Variants in GRM7 observed in about 807,000 individuals in gnomAD.
GRM7 encodes the protein metabotropic glutamate receptor 7.
Under a neutral mutation model 84.5 loss-of-function variants are expected in GRM7, and 35 were observed. That is an observed-to-expected ratio of 0.41 (90% confidence interval 0.32 to 0.55). The LOEUF is 0.55. GRM7 is among the 20% of genes least tolerant of loss of function. The pLI, the probability that GRM7 is intolerant of heterozygous loss-of-function variation, is 0.19. For synonymous variants in GRM7, 487 were observed against 455.1 expected (o/e 1.07, Z -0.89); for missense variants, 1,003 against 1,194.6 (o/e 0.84, Z 2.36).
At position 7,007,859 on chromosome 3, in the gene GRM7, C is replaced by A. The variant is rs990827365; in HGVS notation, c.520-138593C>A. Among the ~76,000 whole-genome samples the A allele has an allele frequency of 3.9e-5, 6 of 152,130 alleles. No homozygotes were observed. The East Asian group carries it at 9.6e-4, about 24-fold the overall frequency. On this transcript the variant is annotated intron_variant, in intron 1 of 9. Coordinates refer to ENST00000357716, the MANE Select transcript of GRM7 (RefSeq NM_000844.4). ...CACAGAGGTTTGAGAGATTTCAGTACTGGGAAATAGGCCATTTACCCATTA... is the reference window on the plus strand; with the variant it reads ...CACAGAGGTTTGAGAGATTTCAGTAATGGGAAATAGGCCATTTACCCATTA...
At chr3:7,462,354 G>A (rs1278775247) in intron 7 of GRM7, among the ~76,000 whole-genome samples, 1 of 152,076 alleles carries the variant, frequency 6.6e-6, no homozygotes, top group Non-Finnish European at 1.5e-5. Context: ...CATCCACATT[G>A]GGGAGGGCAA....
intron 7 of GRM7, among the ~76,000 whole-genome samples, chr3:7,484,725 T>C (rs1699258988): frequency 6.6e-6 from 1 of 152,226 alleles, no homozygotes; most frequent in South Asian, 2.1e-4. Context: ...CTCATTAAAC[T>C]CCTTTTCTGA....
intron 5 of GRM7, among the ~76,000 whole-genome samples, chr3:7,421,651 C>T (rs536502105): frequency 6.6e-6 from 1 of 151,922 alleles, no homozygotes; most frequent in East Asian, 2.0e-4. Context: ...CTTGTCCATT[C>T]CTGCCCTTAG....
In GRM7 at chr3:7,084,080, G is replaced by C. The variant is rs181044422; in HGVS notation, c.520-62372G>C. ...GGTAAGATGGGAACCGTAGGGGCAG[G>C]GGGCAGGGATCTGAGCAGAGGAGTA... On this transcript the variant is annotated intron_variant, in intron 1 of 9. Coordinates refer to ENST00000357716, the MANE Select transcript of GRM7 (RefSeq NM_000844.4). Among the ~76,000 whole-genome samples the C allele has an allele frequency of 4.6e-5, 7 of 152,214 alleles. No individual in the cohort carries two copies. The East Asian group carries it at 1.4e-3, about 29-fold the overall frequency.
At position 6,862,755 on chromosome 3, in the gene GRM7, A is replaced by G; in HGVS notation, c.519+848A>G. On this transcript the variant is annotated intron_variant, in intron 1 of 9. Transcript: ENST00000357716. This position sits in a 1 kb window ranked among gnomAD's most constrained non-coding sequence, Gnocchi z 5.2. ...GCCCCCCTCACCCACTATCTCCCTGACGCAGACCCCAAGCCAAATCCTCGG... is the reference window on the plus strand; with the variant it reads ...GCCCCCCTCACCCACTATCTCCCTGGCGCAGACCCCAAGCCAAATCCTCGG... 3 of 307,588 alleles carry G rather than the reference A, an allele frequency of 9.8e-6. No homozygotes were observed. The highest frequency in any genetic ancestry group is 7.1e-5 in the South Asian group (3 of 41,964). The allele number at this position is 307,588 out of a possible 1,614,324, so 19.1% of individuals were successfully genotyped here.
At chr3:7,685,362 G>A (rs953668098) in intron 9 of GRM7, among the ~76,000 whole-genome samples, 15 of 152,262 alleles carry the variant, frequency 9.9e-5, no homozygotes, top group African/African-American at 3.6e-4. Context: ...CATTTTCTAA[G>A]CTAATGCCCG....
intron 9 of GRM7, among the ~76,000 whole-genome samples, chr3:7,725,308 A>G (rs1469489592): frequency 1.3e-5 from 2 of 152,262 alleles, no homozygotes; most frequent in South Asian, 2.1e-4. Flanking sequence ...AAATTCTGGA[A>G]CAGATAGTTA....
At chr3:7,518,818 A>G (rs555904655) in intron 7 of GRM7, among the ~76,000 whole-genome samples, 8 of 152,362 alleles carry the variant, frequency 5.3e-5, no homozygotes, top group East Asian at 1.9e-4. Flanking sequence ...TCAGTCCTCA[A>G]TCTTCCTAAG....
chr3:7,304,302 TCCATCC>T (rs1469241766), intron 3 of GRM7, among the ~76,000 whole-genome samples: 1 of 80,060 alleles, frequency 1.2e-5, no homozygotes, highest in Non-Finnish European at 2.7e-5. Flanking sequence ...TCATCCATCA[TCCATCC>T]TTTTTTTTTT....
At chr3:7,358,839 C>T (rs1020286300) in intron 4 of GRM7, among the ~76,000 whole-genome samples, 9 of 152,010 alleles carry the variant, frequency 5.9e-5, no homozygotes, top group East Asian at 3.9e-4. Flanking sequence ...ATTTCCTGGA[C>T]GGGCACAGTG....
intron 8 of GRM7, among the ~76,000 whole-genome samples, chr3:7,647,538 C>G (rs1017252876): frequency 9.2e-5 from 14 of 152,080 alleles, no homozygotes; most frequent in African/African-American, 3.4e-4. Flanking sequence ...GAATTTAAGG[C>G]AAATACAATA....
chr3:7,446,464 G>GTTTTTTTTTTTTTTTTTTGT (rs370257829), intron 5 of GRM7, among the ~76,000 whole-genome samples: 1 of 130,576 alleles, frequency 7.7e-6, no homozygotes, highest in Admixed American at 7.8e-5. Flanking sequence ...TTTTTTTTTT[G>GTTTTTTTTTTTTTTTTTTGT]TTTTTTTTTT....
chr3:7,490,956 T>A (rs1045525441), intron 7 of GRM7, among the ~76,000 whole-genome samples: 1 of 151,798 alleles, frequency 6.6e-6, no homozygotes, highest in African/African-American at 2.4e-5. Context: ...AATTGTATTA[T>A]CTAAAATAGA....
intron 1 of GRM7, among the ~76,000 whole-genome samples, chr3:7,134,753 A>G (rs527956937): frequency 1.3e-5 from 2 of 152,304 alleles, no homozygotes; most frequent in South Asian, 2.1e-4. Flanking sequence ...AGGTACACAT[A>G]TGCTAGATGG....
intron 6 of GRM7, among the ~76,000 whole-genome samples, chr3:7,460,844 T>C (rs368326145): frequency 8.7e-4 from 133 of 152,336 alleles, no homozygotes; most frequent in African/African-American, 3.0e-3. Flanking sequence ...GACAGATAGA[T>C]ACAGATATAG....
At chr3:7,109,245 G>C (rs1478768337) in intron 1 of GRM7, among the ~76,000 whole-genome samples, 1 of 152,068 alleles carries the variant, frequency 6.6e-6, no homozygotes, top group Non-Finnish European at 1.5e-5. Context: ...TCAAGGAAGA[G>C]GGTACTGTGA....
chr3:7,367,348 T>TGAATTC (rs954293994), intron 4 of GRM7, among the ~76,000 whole-genome samples: 1 of 151,898 alleles, frequency 6.6e-6, no homozygotes, highest in Non-Finnish European at 1.5e-5. Flanking sequence ...TTAATATCAT[T>TGAATTC]GAATTCTTTT....
chr3:7,552,939 G>A (rs1044629168), intron 7 of GRM7, among the ~76,000 whole-genome samples: 2 of 152,160 alleles, frequency 1.3e-5, no homozygotes, highest in African/African-American at 4.8e-5. Flanking sequence ...CAGAAAATGG[G>A]TTTCTCTTTC....
At chr3:7,300,182 A>G (rs1217792463) in intron 3 of GRM7, among the ~76,000 whole-genome samples, 1 of 152,126 alleles carries the variant, frequency 6.6e-6, no homozygotes, top group Non-Finnish European at 1.5e-5. Flanking sequence ...ATAATATATC[A>G]TTGACTTTGA....
Sources: gnomAD v4.1 joint callset for allele counts (sites outside exome capture counted in the v4.1 genomes callset) on GRCh38, gnomAD v4.1.1 for gene constraint, Gnocchi (gnomAD v3.1) non-coding constraint, MANE v1.5 for transcripts, NCBI Gene and HGNC (gene_info 2026-07-23, HGNC 2026-07-21) for gene names.